Variants in HYDIN observed in about 807,000 individuals in gnomAD.
HYDIN encodes the protein axonemal central pair apparatus protein HYDIN.
In HYDIN, 132 loss-of-function variants were observed where a neutral mutation model predicts 403.9. The observed-to-expected ratio is 0.33, with a 90% CI of 0.28 to 0.38. The LOEUF (loss-of-function observed/expected upper bound fraction) is 0.38, where lower values mean the gene tolerates loss of function less well. HYDIN is among the 10% of genes least tolerant of loss of function. The pLI is 1.00. For synonymous variants in HYDIN, 1,202 were observed against 1,891.7 expected (o/e 0.64, Z 9.46); for missense variants, 2,827 against 5,009.5 (o/e 0.56, Z 13.15).
intron 83 of HYDIN, among the ~76,000 whole-genome samples, chr16:70,820,268 GC>G (rs2036166653): frequency 7.1e-6 from 1 of 141,574 alleles, no homozygotes; most frequent in African/African-American, 2.6e-5. Context: ...TCGGCTCCCG[GC>G]AAGCTCCCCC....
intron 62 of HYDIN, 128 bp downstream of exon 62, chr16:70,879,168 AC>A: frequency 1.7e-6 from 1 of 591,188 alleles, no homozygotes; most frequent in Non-Finnish European, 3.0e-6. Context: ...TGTCCCTGAC[AC>A]ATAGGTTAAT....
chr16:71,038,672 T>C (rs1472691483), intron 18 of HYDIN, among the ~76,000 whole-genome samples: 6 of 152,286 alleles, frequency 3.9e-5, no homozygotes, highest in South Asian at 4.1e-4. Flanking sequence ...TTAAAAAAAT[T>C]TCTTTTGAGA....
chr16:70,944,018 G>T, intron 41 of HYDIN, 69 bp from the exon 42 acceptor site: 1 of 1,162,212 alleles, frequency 8.6e-7, no homozygotes. Flanking sequence ...ACACTTACCA[G>T]CCACAGGACC....
At chr16:71,195,200 A>C (rs1201580900) in intron 1 of HYDIN, among the ~76,000 whole-genome samples, 1 of 152,088 alleles carries the variant, frequency 6.6e-6, no homozygotes, top group Non-Finnish European at 1.5e-5. Context: ...TTCACTTTGC[A>C]CAGTGCCTGG....
rs1430261501 is a variant in HYDIN at position 71,184,930 on chromosome 16, T to G, written c.196A>C (p.Thr66Pro). The G allele has an allele frequency of 1.2e-6, 2 of 1,611,210 alleles. No individual in the cohort carries two copies. Among genetic ancestry groups the G allele is most frequent in the Admixed American group, 1.7e-5 (1 of 59,924 alleles). The change falls in exon 3 of 86, where the codon ACA becomes CCA. Residue 66 changes from threonine to proline, a missense_variant. By Grantham distance (38) the Thr-to-Pro change is conservative. Coordinates refer to ENST00000393567, the MANE Select transcript of HYDIN (RefSeq NM_001270974.2). ...ATCTGTGGTCGGCACATCAAACGTG[T>G]TTTTGCCAGTCTCTGCTCGGTGGTC... is the stretch of plus-strand genomic sequence containing the variant. ...SLTTEQRLAK[T>P]RLMCRPQIIE...
chr16:71,092,420 C>G (rs1395982849), intron 11 of HYDIN, among the ~76,000 whole-genome samples: 1 of 152,152 alleles, frequency 6.6e-6, no homozygotes, highest in Admixed American at 6.6e-5. Context: ...AAACTTCTAG[C>G]ATATTTGAGA....
At chr16:71,139,092 G>GA (rs2085059691) in intron 7 of HYDIN, among the ~76,000 whole-genome samples, 7 of 40,522 alleles carry the variant, frequency 1.7e-4, no homozygotes, top group African/African-American at 4.7e-4. Flanking sequence ...CTCAAATAAA[G>GA]AAGAAAAAAA....
intron 54 of HYDIN, among the ~76,000 whole-genome samples, chr16:70,894,965 G>A (rs1374134093): frequency 6.6e-6 from 1 of 152,162 alleles, no homozygotes; most frequent in African/African-American, 2.4e-5. Flanking sequence ...AATATCCCAC[G>A]ATATGGTGGT....
rs1167750432 is a variant in HYDIN at position 70,868,660 on chromosome 16, G to T, written c.11220C>A (p.Asp3740Glu). ...LSRIMFQLPA[D>E]QVPDWDDRMH... Reference sequence around the variant, plus strand: ...TGCGGTCATCCCAGTCGGGGACCTGGTCTGCAGGGAGCTGAAACATAATCC... The same window carrying T: ...TGCGGTCATCCCAGTCGGGGACCTGTTCTGCAGGGAGCTGAAACATAATCC... The change falls in exon 66 of 86, where the codon GAC becomes GAA. Residue 3740 changes from aspartate to glutamate, a missense_variant. Transcript: ENST00000393567. 1 of 1,614,168 alleles carries T rather than the reference G, an allele frequency of 6.2e-7. No individual in the cohort carries two copies.
chr16:71,224,488 C>T (rs1017620387), intron 1 of HYDIN, among the ~76,000 whole-genome samples: 2 of 151,676 alleles, frequency 1.3e-5, no homozygotes, highest in Admixed American at 1.3e-4. Context: ...TTGTTCTTTG[C>T]TCTGAAATGA....
At chr16:71,046,558 AG>A (rs1237030403) in intron 18 of HYDIN, among the ~76,000 whole-genome samples, 1 of 152,174 alleles carries the variant, frequency 6.6e-6, no homozygotes, top group African/African-American at 2.4e-5. Flanking sequence ...TGACATTAAA[AG>A]AAGACATACT....
intron 47 of HYDIN, among the ~76,000 whole-genome samples, chr16:70,916,911 A>G (rs2076858372): frequency 7.8e-6 from 1 of 128,124 alleles, no homozygotes. Flanking sequence ...TCTCTCTTCT[A>G]TTCCTTCCGT....
intron 5 of HYDIN, among the ~76,000 whole-genome samples, chr16:71,172,066 A>G (rs2086484844): frequency 6.6e-6 from 1 of 152,234 alleles, no homozygotes; most frequent in South Asian, 2.1e-4. Context: ...TTAAATTCAA[A>G]TTGCTGGCAA....
intron 21 of HYDIN, among the ~76,000 whole-genome samples, chr16:71,022,770 G>T (rs917007): frequency 2.2e-5 from 3 of 133,560 alleles, no homozygotes; most frequent in African/African-American, 7.9e-5. Flanking sequence ...GTGGAAAAAA[G>T]TAAGCAGGGA....
intron 71 of HYDIN, among the ~76,000 whole-genome samples, 191 bp downstream of exon 71, chr16:70,859,877 G>T (rs1203228267): frequency 6.6e-6 from 1 of 152,076 alleles, no homozygotes; most frequent in African/African-American, 2.4e-5. Context: ...CTAGCCAAGA[G>T]AGCTCAGGTC....
At chr16:70,926,440 C>A (rs1485348174) in intron 45 of HYDIN, among the ~76,000 whole-genome samples, 5 of 151,430 alleles carry the variant, frequency 3.3e-5, no homozygotes, top group East Asian at 1.9e-4. Flanking sequence ...GAAGGGGAAC[C>A]TCACACTCTG....
At chr16:71,005,785 T>C (rs1298213880) in intron 23 of HYDIN, among the ~76,000 whole-genome samples, 1 of 146,336 alleles carries the variant, frequency 6.8e-6, no homozygotes, top group Non-Finnish European at 1.5e-5. Context: ...ACACTTTCTT[T>C]CACTCAGCAT....
At chr16:71,012,128 G>A (rs2080107518) in intron 23 of HYDIN, among the ~76,000 whole-genome samples, 2 of 152,300 alleles carry the variant, frequency 1.3e-5, no homozygotes, top group South Asian at 2.1e-4. Context: ...GCCTCTTAAA[G>A]GTAAAAGCTG....
At chr16:71,192,299 A>G (rs2087475166) in intron 1 of HYDIN, among the ~76,000 whole-genome samples, 1 of 152,044 alleles carries the variant, frequency 6.6e-6, no homozygotes, top group East Asian at 1.9e-4. Context: ...TGCCTGGGTA[A>G]CTGCAACACT....
Sources: allele counts gnomAD v4.1 joint callset (sites outside exome capture counted in the v4.1 genomes callset), GRCh38; gene constraint gnomAD v4.1.1; transcripts MANE v1.5; gene names NCBI Gene and HGNC (gene_info 2026-07-23, HGNC 2026-07-21).